Variants in NRXN1 observed in about 807,000 individuals in gnomAD.
NRXN1 encodes the protein neurexin 1.
Under a neutral mutation model 150.9 loss-of-function variants are expected in NRXN1, and 39 were observed. The observed-to-expected ratio is 0.26, with a 90% CI of 0.20 to 0.34. The LOEUF (loss-of-function observed/expected upper bound fraction) is 0.34. Among genes scored for constraint, NRXN1 ranks in the 10% least tolerant of loss-of-function variants. NRXN1 has a pLI of 1.00. For synonymous variants in NRXN1, 924 were observed against 757.0 expected (o/e 1.22, Z -3.62); for missense variants, 1,815 against 1,949.9 (o/e 0.93, Z 1.30).
chr2:50,574,439 C>T (rs768416260), intron 8 of NRXN1, among the ~76,000 whole-genome samples: 1 of 152,050 alleles, frequency 6.6e-6, no homozygotes, highest in African/African-American at 2.4e-5. Flanking sequence ...GGAAACTGAA[C>T]GGTTCAGCAT....
intron 8 of NRXN1, among the ~76,000 whole-genome samples, chr2:50,591,414 A>AGAT (rs1553852575): frequency 6.8e-6 from 1 of 146,864 alleles, no homozygotes; most frequent in East Asian, 2.0e-4. Flanking sequence ...ATAGATAGAT[A>AGAT]GATAGATAGA....
chr2:50,584,365 A>C (rs1672766249), intron 8 of NRXN1, among the ~76,000 whole-genome samples: 1 of 152,150 alleles, frequency 6.6e-6, no homozygotes, highest in African/African-American at 2.4e-5. Flanking sequence ...TTGATCAAAT[A>C]CTTTTCTTCC....
intron 16 of NRXN1, among the ~76,000 whole-genome samples, chr2:50,467,800 T>C (rs2089056280): frequency 6.6e-6 from 1 of 151,496 alleles, no homozygotes; most frequent in Non-Finnish European, 1.5e-5. Context: ...TAGTTATTTG[T>C]AATAAAGAAC....
chr2:50,983,689 G>A (rs942045199), intron 2 of NRXN1, among the ~76,000 whole-genome samples: 14 of 151,936 alleles, frequency 9.2e-5, no homozygotes, highest in African/African-American at 2.4e-4. Context: ...AAAGGCAAAC[G>A]TAAAAAAAGA....
intron 5 of NRXN1, among the ~76,000 whole-genome samples, chr2:50,722,935 C>T (rs1301690760): frequency 6.6e-6 from 1 of 152,110 alleles, no homozygotes. Flanking sequence ...TCCAACTCCT[C>T]CTTTGTAATT....
At chr2:50,680,689 A>G (rs1690252589) in intron 5 of NRXN1, among the ~76,000 whole-genome samples, 1 of 152,140 alleles carries the variant, frequency 6.6e-6, no homozygotes, top group South Asian at 2.1e-4. Flanking sequence ...AAATGAGCAG[A>G]TATCACAATG....
intron 5 of NRXN1, among the ~76,000 whole-genome samples, chr2:50,682,507 C>A (rs935920178): frequency 2.0e-5 from 3 of 152,222 alleles, no homozygotes. Flanking sequence ...CTAGGAGCAT[C>A]GTGACTTGGT....
chr2:50,337,878 G>A (rs530578060), intron 17 of NRXN1, among the ~76,000 whole-genome samples: 3 of 152,272 alleles, frequency 2.0e-5, no homozygotes, highest in Admixed American at 1.3e-4. Flanking sequence ...CAAATAGACT[G>A]TTGTTGTATA....
At chr2:50,306,237 T>C (rs2074597273) in intron 17 of NRXN1, among the ~76,000 whole-genome samples, 1 of 152,218 alleles carries the variant, frequency 6.6e-6, no homozygotes, top group South Asian at 2.1e-4. Flanking sequence ...AGTGAATTCA[T>C]TGAGTAGTCT....
rs532705623 is a variant in NRXN1 at position 50,534,526 on chromosome 2, G to C, written c.2144-3096C>G. On this transcript the variant is annotated intron_variant, in intron 10 of 22. Transcript: ENST00000401669. The stretch of plus-strand genomic sequence containing the variant: ...TGCTCAAAAAATAATGAAAACCTGA[G>C]TGTAAAGTTATAGTGAATTCTAGAG... Among the ~76,000 whole-genome samples the C allele has an allele frequency of 2.0e-5, 3 of 152,246 alleles. No individual in the cohort carries two copies. In the East Asian group the frequency reaches 5.8e-4, roughly 29 times the overall value.
At chr2:50,046,965 C>G (rs1691904254) in intron 21 of NRXN1, among the ~76,000 whole-genome samples, 1 of 152,172 alleles carries the variant, frequency 6.6e-6, no homozygotes, top group Non-Finnish European at 1.5e-5. Context: ...ACTGTGTGAC[C>G]TTCGACAAAT....
intron 18 of NRXN1, among the ~76,000 whole-genome samples, chr2:50,185,089 T>C (rs779383760): frequency 6.6e-5 from 10 of 152,028 alleles, no homozygotes. Flanking sequence ...TCAAAGCCTG[T>C]GGGAAAGTGA....
chr2:50,594,301 G>A (rs1214716686), intron 8 of NRXN1, among the ~76,000 whole-genome samples: 1 of 152,064 alleles, frequency 6.6e-6, no homozygotes, highest in African/African-American at 2.4e-5. Context: ...TTGGTTTTGT[G>A]GTTCATATTT....
chr2:49,981,718 T>A (rs914968930), intron 21 of NRXN1, among the ~76,000 whole-genome samples: 2 of 151,986 alleles, frequency 1.3e-5, no homozygotes, highest in Admixed American at 6.6e-5. Context: ...GAAATCTGAG[T>A]TAGAAACAAA....
At chr2:50,073,560 T>G (rs1206079719) in intron 19 of NRXN1, among the ~76,000 whole-genome samples, 1 of 152,346 alleles carries the variant, frequency 6.6e-6, no homozygotes, top group East Asian at 1.9e-4. Flanking sequence ...TCCTGCTTTT[T>G]GCTGGCGAAA....
At chr2:50,847,260 T>C (rs1673795728) in intron 5 of NRXN1, among the ~76,000 whole-genome samples, 1 of 152,260 alleles carries the variant, frequency 6.6e-6, no homozygotes, top group African/African-American at 2.4e-5. Context: ...TTCAAATTCC[T>C]TCTTAAATTA....
chr2:50,423,523 G>T (rs933746289), intron 17 of NRXN1, among the ~76,000 whole-genome samples: 18 of 152,094 alleles, frequency 1.2e-4, no homozygotes, highest in Admixed American at 1.0e-3. Flanking sequence ...AAAAACGAGA[G>T]AGCATCATAC....
chr2:50,521,078 C>T (rs375864942), intron 12 of NRXN1, among the ~76,000 whole-genome samples: 42 of 152,218 alleles, frequency 2.8e-4, no homozygotes, highest in African/African-American at 9.6e-4. Flanking sequence ...CTTATTTACA[C>T]TGGAAACTTC....
At chr2:49,980,983 C>T (rs1408837371) in intron 21 of NRXN1, among the ~76,000 whole-genome samples, 1 of 152,018 alleles carries the variant, frequency 6.6e-6, no homozygotes, top group Non-Finnish European at 1.5e-5. Flanking sequence ...TGAAATAGTA[C>T]ACTGTACAGA....
Sources: gnomAD v4.1 joint callset for allele counts (sites outside exome capture counted in the v4.1 genomes callset) on GRCh38, gnomAD v4.1.1 for gene constraint, MANE v1.5 for transcripts, NCBI Gene and HGNC (gene_info 2026-07-23, HGNC 2026-07-21) for gene names.